SGCD: variants seen among roughly 807,000 people sequenced by gnomAD.
SGCD encodes the protein delta-sarcoglycan.
SGCD carries 18 observed loss-of-function variants against 36.6 expected under a neutral mutation model. The observed-to-expected ratio is 0.49, with a 90% CI of 0.34 to 0.73. SGCD has a LOEUF of 0.73. Among genes scored for constraint, SGCD ranks in the 30% least tolerant of loss-of-function variants. The pLI, the probability that SGCD is intolerant of heterozygous loss-of-function variation, is 0.01. For synonymous variants in SGCD, 133 were observed against 130.6 expected, an observed-to-expected ratio of 1.02 and a Z score of -0.12; for missense variants, 387 against 346.7, an observed-to-expected ratio of 1.12 and a Z score of -0.92.
At chr5:155,856,872 C>T in the SGCD span, among the ~76,000 whole-genome samples, 10 of 152,170 alleles carry the variant, frequency 6.6e-5, no homozygotes, top group Non-Finnish European at 1.3e-4. Flanking sequence ...TGTGGAGCAA[C>T]ATGACTCTCA....
intron 4 of SGCD, among the ~76,000 whole-genome samples, chr5:156,520,056 G>A (rs180806518): frequency 1.3e-5 from 2 of 152,142 alleles, no homozygotes; most frequent in African/African-American, 2.4e-5. Flanking sequence ...TATTCAAATA[G>A]GAAGAGAGGA....
intron 3 of SGCD, among the ~76,000 whole-genome samples, chr5:156,311,261 A>G (rs186254038): frequency 6.6e-6 from 1 of 152,088 alleles, no homozygotes; most frequent in Non-Finnish European, 1.5e-5. Context: ...GTCATTTCAT[A>G]TGAAGTTTTG....
At chr5:156,175,503 C>A (rs1763444807) in intron 3 of SGCD, among the ~76,000 whole-genome samples, 1 of 152,060 alleles carries the variant, frequency 6.6e-6, no homozygotes, top group Non-Finnish European at 1.5e-5. Context: ...ACACTCAGAG[C>A]CAATTTTTAT....
chr5:156,542,797 T>C (rs1758403035), intron 4 of SGCD, among the ~76,000 whole-genome samples: 1 of 152,208 alleles, frequency 6.6e-6, no homozygotes, highest in Admixed American at 6.5e-5. Flanking sequence ...TAGGTTCTGC[T>C]GTGCTGCCTT....
chr5:155,779,769 C>T, the SGCD span, among the ~76,000 whole-genome samples: 1 of 152,056 alleles, frequency 6.6e-6, no homozygotes, highest in African/African-American at 2.4e-5. Context: ...TTGACAGTCC[C>T]CTCAGTAATT....
intron 7 of SGCD, among the ~76,000 whole-genome samples, chr5:156,691,735 T>C (rs1397275651): frequency 6.6e-6 from 1 of 152,218 alleles, no homozygotes; most frequent in East Asian, 1.9e-4. Context: ...ATTTGGCCGA[T>C]GGGCCATAGT....
chr5:155,960,455 C>T (rs1757770318), intron 1 of SGCD, among the ~76,000 whole-genome samples: 1 of 152,098 alleles, frequency 6.6e-6, no homozygotes, highest in African/African-American at 2.4e-5. Context: ...CTGTATCTTT[C>T]TCCTAGCCTG....
chr5:155,918,541 G>A (rs534288040), intron 1 of SGCD, among the ~76,000 whole-genome samples: 1 of 152,208 alleles, frequency 6.6e-6, no homozygotes, highest in South Asian at 2.1e-4. Context: ...GTAGCCTGGG[G>A]GACAGGGTGA....
chr5:156,448,375 A>T (rs6863243), intron 3 of SGCD, among the ~76,000 whole-genome samples: 52,013 of 151,984 alleles, frequency 0.34, 12,797 homozygotes, highest in African/African-American at 0.7. Context: ...AGAATACTCT[A>T]CTGGGGATGA....
chr5:156,523,351 C>A (rs922936015), intron 4 of SGCD, among the ~76,000 whole-genome samples: 9 of 152,166 alleles, frequency 5.9e-5, no homozygotes, highest in African/African-American at 1.9e-4. Flanking sequence ...GATTCATAAG[C>A]ACTATGAGAA....
the SGCD span, among the ~76,000 whole-genome samples, chr5:155,809,488 A>T: frequency 5.3e-5 from 8 of 152,214 alleles, no homozygotes; most frequent in Admixed American, 2.6e-4. Flanking sequence ...TATATCACTG[A>T]TACTTGGGGT....
intron 4 of SGCD, among the ~76,000 whole-genome samples, chr5:156,516,150 C>T (rs904504256): frequency 3.9e-5 from 6 of 152,266 alleles, no homozygotes; most frequent in African/African-American, 1.2e-4. Context: ...ACAAAACACC[C>T]GCTCTGCCAA....
intron 1 of SGCD, among the ~76,000 whole-genome samples, chr5:156,101,941 T>TGTGAGA (rs1218348339): frequency 1.4e-5 from 2 of 138,352 alleles, no homozygotes; most frequent in South Asian, 2.4e-4. Flanking sequence ...TGTGTGTGTG[T>TGTGAGA]GAGAGAGAGA....
intron 3 of SGCD, among the ~76,000 whole-genome samples, chr5:156,134,920 CT>C (rs765933286): frequency 1.1e-4 from 16 of 152,154 alleles, no homozygotes; most frequent in Non-Finnish European, 2.1e-4. Context: ...CACATATTCC[CT>C]TTTGACTCCA....
intron 6 of SGCD, among the ~76,000 whole-genome samples, 199 bp downstream of exon 6, chr5:156,595,250 T>C (rs1452289407): frequency 6.6e-6 from 1 of 152,024 alleles, no homozygotes; most frequent in Non-Finnish European, 1.5e-5. Context: ...ATGGGATTAG[T>C]GTCCTTCCAA....
At chr5:156,389,285 A>G (rs1771438720) in intron 3 of SGCD, among the ~76,000 whole-genome samples, 1 of 152,198 alleles carries the variant, frequency 6.6e-6, no homozygotes, top group African/African-American at 2.4e-5. Context: ...GGGAAGCTGG[A>G]GAAATTCCTG....
At chr5:156,136,188 C>CT (rs1469212684) in intron 3 of SGCD, among the ~76,000 whole-genome samples, 3 of 152,316 alleles carry the variant, frequency 2.0e-5, no homozygotes, top group African/African-American at 7.2e-5. Context: ...ATGCAGCTCA[C>CT]TTCAGCCTCT....
At chr5:156,390,294 A>C (rs901140657) in intron 3 of SGCD, among the ~76,000 whole-genome samples, 2 of 152,076 alleles carry the variant, frequency 1.3e-5, no homozygotes, top group Non-Finnish European at 2.9e-5. Flanking sequence ...ATCATAGGAG[A>C]TGACAACTTC....
chr5:156,171,374 C>G (rs1355783132), intron 3 of SGCD, among the ~76,000 whole-genome samples: 1 of 152,130 alleles, frequency 6.6e-6, no homozygotes, highest in Non-Finnish European at 1.5e-5. Context: ...ATGTCTTCTG[C>G]TTACCTATGA....
Sources: allele counts gnomAD v4.1 joint callset (sites outside exome capture counted in the v4.1 genomes callset), GRCh38; gene constraint gnomAD v4.1.1; transcripts MANE v1.5; gene names NCBI Gene and HGNC (gene_info 2026-07-23, HGNC 2026-07-21).